SLC35F3: variants seen among roughly 807,000 people sequenced by gnomAD.
SLC35F3 encodes solute carrier family 35 member F3.
Under a neutral mutation model 49.9 loss-of-function variants are expected in SLC35F3, and 25 were observed. That is an observed-to-expected ratio of 0.50 (90% CI 0.37 to 0.70). SLC35F3 has a LOEUF of 0.70. SLC35F3 is among the 30% of genes least tolerant of loss of function. The probability of loss-of-function intolerance (pLI) is 0.00; values close to 1 mark genes in which losing one functional copy is unlikely to be tolerated. For synonymous variants in SLC35F3, 275 were observed against 265.4 expected, an observed-to-expected ratio of 1.04 and a Z score of -0.35; for missense variants, 525 against 639.8, an observed-to-expected ratio of 0.82 and a Z score of 1.94.
chr1:234,003,114 C>T (rs1331452311), intron 2 of SLC35F3, among the ~76,000 whole-genome samples: 2 of 152,198 alleles, frequency 1.3e-5, no homozygotes, highest in Non-Finnish European at 2.9e-5. Context: ...CTCCAAGAAG[C>T]CCTGGTTCTT....
chr1:234,274,095 C>T (rs927548268), intron 3 of SLC35F3: 1 of 152,114 alleles, frequency 6.6e-6, no homozygotes, highest in Non-Finnish European at 1.5e-5. Flanking sequence ...TTGGGGTTAG[C>T]GAAATGTTGA....
chr1:233,985,977 A>C (rs909732803), intron 2 of SLC35F3, among the ~76,000 whole-genome samples: 1 of 152,160 alleles, frequency 6.6e-6, no homozygotes, highest in Non-Finnish European at 1.5e-5. Context: ...TGTGGGTTAA[A>C]ATTCTGCTTT....
Position 234,152,759 on chromosome 1 carries a change from G to A in SLC35F3, c.284-78658G>A, listed in dbSNP as rs112275159. On this transcript the variant is annotated intron_variant, in intron 2 of 7. Transcript: ENST00000366618. ...TATATACCCAGTAATGGGATTGCTG[G>A]GTAAAATGGTATTTCTGGTTCTAGA... Among the ~76,000 whole-genome samples, 1,110 of 152,142 alleles carry A rather than the reference G, an allele frequency of 7.3e-3. 19 individuals are homozygous for A. The highest frequency in any genetic ancestry group is 0.024 in the African/African-American group (1,000 of 41,488).
At chr1:234,190,191 A>G (rs911074221) in intron 2 of SLC35F3, among the ~76,000 whole-genome samples, 23 of 152,356 alleles carry the variant, frequency 1.5e-4, no homozygotes, top group African/African-American at 5.5e-4. Context: ...AACAAATAGC[A>G]TGATGAATTG....
intron 2 of SLC35F3, among the ~76,000 whole-genome samples, chr1:234,150,480 A>G (rs1002944652): frequency 1.3e-5 from 2 of 152,180 alleles, no homozygotes; most frequent in Non-Finnish European, 2.9e-5. Context: ...AAGTATATTT[A>G]AGTAATCTCC....
At chr1:233,989,674 C>A (rs1012742039) in intron 2 of SLC35F3, among the ~76,000 whole-genome samples, 2 of 152,090 alleles carry the variant, frequency 1.3e-5, no homozygotes, top group Non-Finnish European at 2.9e-5. Context: ...CATGTTAAAA[C>A]TCATACCTAA....
chr1:234,038,410 G>T (rs1382585617), intron 2 of SLC35F3, among the ~76,000 whole-genome samples: 1 of 151,426 alleles, frequency 6.6e-6, no homozygotes, highest in Non-Finnish European at 1.5e-5. Context: ...TGTGAATAGT[G>T]CCACAATAAA....
At chr1:234,219,055 C>G (rs1286742181) in intron 2 of SLC35F3, among the ~76,000 whole-genome samples, 3 of 55,280 alleles carry the variant, frequency 5.4e-5, no homozygotes, top group Non-Finnish European at 9.9e-5. Context: ...GACTCCATCT[C>G]AAAAAAAAAA....
chr1:234,002,483 T>G (rs908623604), intron 2 of SLC35F3, among the ~76,000 whole-genome samples: 1 of 152,126 alleles, frequency 6.6e-6, no homozygotes, highest in Non-Finnish European at 1.5e-5. Context: ...TGTCTCACAG[T>G]AGGAATTTGT....
At chr1:234,161,016 A>G (rs1016196418) in intron 2 of SLC35F3, among the ~76,000 whole-genome samples, 1 of 151,978 alleles carries the variant, frequency 6.6e-6, no homozygotes, top group Admixed American at 6.6e-5. Flanking sequence ...GCTTCTCTCC[A>G]TTTCTGTGAC....
At chr1:234,200,285 T>C (rs1337515445) in intron 2 of SLC35F3, among the ~76,000 whole-genome samples, 1 of 152,242 alleles carries the variant, frequency 6.6e-6, no homozygotes, top group Non-Finnish European at 1.5e-5. Flanking sequence ...TTTGGGGAAA[T>C]ACTTCTTCAG....
intron 2 of SLC35F3, among the ~76,000 whole-genome samples, chr1:234,009,065 T>C (rs995059424): frequency 3.3e-5 from 5 of 152,232 alleles, no homozygotes; most frequent in African/African-American, 9.6e-5. Context: ...TAGTTTTGAA[T>C]GTTGCTAAAT....
chr1:233,954,454 G>A (rs569234026), intron 2 of SLC35F3, among the ~76,000 whole-genome samples: 4 of 152,302 alleles, frequency 2.6e-5, no homozygotes, highest in South Asian at 2.1e-4. Context: ...GTGTTACAAG[G>A]AGTCTCAGAA....
intron 2 of SLC35F3, among the ~76,000 whole-genome samples, chr1:233,971,594 C>T (rs575163173): frequency 6.6e-6 from 1 of 152,000 alleles, no homozygotes; most frequent in Admixed American, 6.5e-5. Context: ...TGGTGGTAGC[C>T]TGTAATCCCA....
At chr1:234,236,928 TATATATATATATATATA>T (rs1558269492) in intron 3 of SLC35F3, among the ~76,000 whole-genome samples, 6 of 18,340 alleles carry the variant, frequency 3.3e-4, no homozygotes, top group Non-Finnish European at 6.3e-4. Flanking sequence ...AAAAAAATTA[TATATATATATATATATA>T]TATATATATA....
Position 233,964,209 on chromosome 1 carries a change from A to T in SLC35F3, c.283+58451A>T, listed in dbSNP as rs1396904586. ...ACTCTGAATTCTTCCCAGGTGTGGA[A>T]GAGTGAAAATCCTGATTCTGAGCTC... On this transcript the variant is annotated intron_variant, in intron 2 of 7. Transcript: ENST00000366618. Among the ~76,000 whole-genome samples, 3 of 152,318 alleles carry T rather than the reference A, an allele frequency of 2.0e-5. No homozygotes were observed. In the East Asian group the frequency reaches 5.8e-4, roughly 29 times the overall value.
At chr1:234,264,112 A>G (rs556873274) in intron 3 of SLC35F3, among the ~76,000 whole-genome samples, 8 of 152,280 alleles carry the variant, frequency 5.3e-5, no homozygotes, top group East Asian at 3.9e-4. Context: ...CTGTCTTAAC[A>G]ACAACAACAA....
At chr1:234,215,520 C>G (rs542656435) in intron 2 of SLC35F3, among the ~76,000 whole-genome samples, 11 of 152,284 alleles carry the variant, frequency 7.2e-5, no homozygotes, top group African/African-American at 2.4e-4. Flanking sequence ...CCAGGAGCTC[C>G]CCTCTAGGCT....
intron 2 of SLC35F3, among the ~76,000 whole-genome samples, chr1:234,158,287 G>A (rs188788806): frequency 2.2e-4 from 33 of 152,126 alleles, no homozygotes; most frequent in African/African-American, 7.5e-4. Flanking sequence ...TGCTTTCCTT[G>A]TTGCAAAACT....
Sources: gnomAD v4.1 joint callset for allele counts (sites outside exome capture counted in the v4.1 genomes callset) on GRCh38, gnomAD v4.1.1 for gene constraint, MANE v1.5 for transcripts, NCBI Gene and HGNC (gene_info 2026-07-23, HGNC 2026-07-21) for gene names.